Variants in PCDHA2 observed in about 807,000 individuals in gnomAD.
The protein encoded by PCDHA2 is protocadherin alpha 2.
In PCDHA2, 58 loss-of-function variants were observed where a neutral mutation model predicts 66.0. The ratio of observed to expected loss-of-function variants is 0.88; its 90% CI spans 0.71 to 1.09. The LOEUF (loss-of-function observed/expected upper bound fraction) is 1.09. Ranked by LOEUF, PCDHA2 falls within the 50% of genes least tolerant of loss-of-function variation. PCDHA2 has a pLI of 0.00. For missense variants in PCDHA2, 1,267 were observed against 1,242.3 expected (o/e 1.02, Z -0.30); for synonymous variants, 634 against 554.0 (o/e 1.14, Z -2.03).
Position 140,803,349 on chromosome 5 carries a change from T to C in PCDHA2, c.2388+5997T>C, listed in dbSNP as rs1763177985. On this transcript the variant is annotated intron_variant, in intron 1 of 3. Transcript: ENST00000526136. The stretch of plus-strand genomic sequence containing the variant: ...TCTGTTGGTGCTCACACTGCTGCTA[T>C]ATACTGCTCTGCGGTGCTCCGCGCC... 1 of 1,614,068 alleles carries C rather than the reference T, an allele frequency of 6.2e-7. No individual in the cohort carries two copies. The highest frequency in any genetic ancestry group is 2.2e-5 in the East Asian group (1 of 44,886).
At chr5:140,800,463 G>A (rs1449101824) in intron 1 of PCDHA2, among the ~76,000 whole-genome samples, 1 of 152,132 alleles carries the variant, frequency 6.6e-6, no homozygotes, top group African/African-American at 2.4e-5. Flanking sequence ...ATATATGTAT[G>A]TTTTAATATA....
rs782723382 is a variant in PCDHA2 at position 140,807,795 on chromosome 5, A to G, written c.2388+10443A>G. The G allele has an allele frequency of 5.0e-6, 8 of 1,614,158 alleles. No individual in the cohort carries two copies. The Admixed American group carries it at 1.3e-4, about 27-fold the overall frequency. The stretch of plus-strand genomic sequence containing the variant: ...ATATTACGGAAATCTTTAGACAGAG[A>G]AGAAGCTCCGGAGATTTTTTTAGTG... On this transcript the variant is annotated intron_variant, in intron 1 of 3. Coordinates refer to ENST00000526136, the MANE Select transcript of PCDHA2 (RefSeq NM_018905.3).
chr5:140,927,137 A>G, intron 1 of PCDHA2: 2 of 1,614,052 alleles, frequency 1.2e-6, no homozygotes, highest in South Asian at 2.2e-5. Context: ...GAGCCGGCGG[A>G]CCGCGAACAG....
At chr5:140,927,059 G>T (rs2153586396) in intron 1 of PCDHA2, 1 of 1,611,324 alleles carries the variant, frequency 6.2e-7, no homozygotes, top group Middle Eastern at 1.7e-4. Flanking sequence ...CGGAACTTTC[G>T]CTTCCTTTCC....
intron 1 of PCDHA2, chr5:140,835,705 T>A (rs1773862333): frequency 1.2e-6 from 2 of 1,613,894 alleles, no homozygotes; most frequent in East Asian, 4.5e-5. Flanking sequence ...ACTGCTAGCG[T>A]GTCCGTGGAG....
chr5:140,845,039 C>T (rs1485557365), intron 1 of PCDHA2, among the ~76,000 whole-genome samples: 2 of 149,068 alleles, frequency 1.3e-5, no homozygotes, highest in Non-Finnish European at 3.0e-5. Context: ...ATTTTAGCCC[C>T]CTTGTCCAAC....
chr5:140,875,371 C>T (rs2055439966), intron 1 of PCDHA2: 2 of 1,451,152 alleles, frequency 1.4e-6, no homozygotes, highest in African/African-American at 1.4e-5. Flanking sequence ...AAAAAATTTA[C>T]TAAATATGTA....
chr5:140,997,921 G>T lies in PCDHA2; in HGVS notation c.2537-11706G>T, dbSNP rs553205382. On this transcript the variant is annotated intron_variant, in intron 3 of 3. Coordinates refer to ENST00000526136, the MANE Select transcript of PCDHA2 (RefSeq NM_018905.3). ...CAAGAAGTAGAATTACAGAATCATA[G>T]GATATAAAAATATCAAATTGGCAAA... is the stretch of plus-strand genomic sequence containing the variant. Among the ~76,000 whole-genome samples the T allele has an allele frequency of 1.1e-4, 16 of 152,200 alleles. No homozygotes were observed. The South Asian group carries it at 3.3e-3, about 32-fold the overall frequency.
At chr5:140,959,676 A>G (rs2095505288) in intron 1 of PCDHA2, among the ~76,000 whole-genome samples, 1 of 152,246 alleles carries the variant, frequency 6.6e-6, no homozygotes, top group Non-Finnish European at 1.5e-5. Flanking sequence ...AATCATTTCT[A>G]AATAATTTCA....
At chr5:140,867,220 A>G (rs782476423) in intron 1 of PCDHA2, 2 of 152,110 alleles carry the variant, frequency 1.3e-5, no homozygotes, top group Non-Finnish European at 2.9e-5. Flanking sequence ...TTCATCCCCA[A>G]TTCCCATAAT....
chr5:140,991,981 T>TACC (rs1311484629), intron 3 of PCDHA2, among the ~76,000 whole-genome samples: 8 of 152,126 alleles, frequency 5.3e-5, no homozygotes, highest in Admixed American at 2.0e-4. Flanking sequence ...TTATTCTGCC[T>TACC]ACCACCCGGT....
At chr5:140,896,555 T>C (rs2065621728) in intron 1 of PCDHA2, among the ~76,000 whole-genome samples, 1 of 151,910 alleles carries the variant, frequency 6.6e-6, no homozygotes, top group African/African-American at 2.4e-5. Context: ...TTTTGTATTT[T>C]AAGTAGAGAT....
At chr5:140,871,425 T>A (rs782021225) in intron 1 of PCDHA2, 7 of 1,613,404 alleles carry the variant, frequency 4.3e-6, no homozygotes, top group Admixed American at 3.3e-5. Flanking sequence ...TCAGCCCCAG[T>A]CTTCCTCTAG....
intron 1 of PCDHA2, among the ~76,000 whole-genome samples, chr5:140,925,533 A>C (rs1334031760): frequency 1.3e-5 from 2 of 152,062 alleles, no homozygotes; most frequent in Non-Finnish European, 2.9e-5. Flanking sequence ...AAGCGAGGAG[A>C]AATACCTAAT....
chr5:140,838,883 C>G (rs1775930205), intron 1 of PCDHA2, among the ~76,000 whole-genome samples: 1 of 151,746 alleles, frequency 6.6e-6, no homozygotes, highest in Non-Finnish European at 1.5e-5. Flanking sequence ...CCACTGAACT[C>G]CAGCCTAGGT....
chr5:140,851,939 T>C lies in PCDHA2; in HGVS notation c.2388+54587T>C, dbSNP rs1034912000. ...ATGTTATGTTTCCTGAATTGTAGTATGTGACTTTCAAAATGGTGGTTTTCC... is the reference window on the plus strand; with the variant it reads ...ATGTTATGTTTCCTGAATTGTAGTACGTGACTTTCAAAATGGTGGTTTTCC... On this transcript the variant is annotated intron_variant, in intron 1 of 3. Transcript: ENST00000526136. The C allele has an allele frequency of 2.2e-4, 214 of 966,074 alleles. 16 individuals carry two copies. The highest frequency in any genetic ancestry group is 1.3e-3 in the Admixed American group (21 of 15,930). The allele number at this position is 966,074 out of a possible 1,614,324, so 59.8% of individuals were successfully genotyped here.
rs545092682 is a variant in PCDHA2, at chr5:140,796,779, G to A, written c.1815G>A (p.Ala605=). Residue 605 remains alanine, a synonymous_variant, in exon 1 of 4, where the codon GCG becomes GCA. Transcript: ENST00000526136. ...TGGACGCTGACTCAGGCTACAACGC[G>A]TGGCTTTCGTACGAGCTTCAGCTGG... The part of the protein sequence containing the change: ...RAVDADSGYN[A]WLSYELQLGT... The A allele has an allele frequency of 4.2e-5, 67 of 1,614,140 alleles. No individual in the cohort carries two copies. The highest frequency in any genetic ancestry group is 6.7e-5 in the East Asian group (3 of 44,872).
At chr5:140,818,985 T>C (rs1212659163) in intron 1 of PCDHA2, among the ~76,000 whole-genome samples, 1 of 152,252 alleles carries the variant, frequency 6.6e-6, no homozygotes, top group Non-Finnish European at 1.5e-5. Flanking sequence ...ACTATTCTCA[T>C]ATTTTCTATC....
chr5:140,964,747 G>C (rs1170890203), intron 1 of PCDHA2, among the ~76,000 whole-genome samples: 3 of 151,868 alleles, frequency 2.0e-5, no homozygotes, highest in Non-Finnish European at 4.4e-5. Context: ...AATTATTGTA[G>C]GGATGTTTGG....
Sources: gnomAD v4.1 joint callset for allele counts (sites outside exome capture counted in the v4.1 genomes callset) on GRCh38, gnomAD v4.1.1 for gene constraint, MANE v1.5 for transcripts, NCBI Gene and HGNC (gene_info 2026-07-23, HGNC 2026-07-21) for gene names.